The following ARHGAP20 variants were observed in gnomAD, a reference collection of about 807,000 sequenced individuals.
The protein encoded by ARHGAP20 is rho GTPase-activating protein 20.
Under a neutral mutation model 73.7 loss-of-function variants are expected in ARHGAP20, and 34 were observed. The ratio of observed to expected loss-of-function variants is 0.46; its 90% CI spans 0.35 to 0.61. The LOEUF is 0.61. Ranked by LOEUF, ARHGAP20 falls within the 20% of genes least tolerant of loss-of-function variation. The probability of loss-of-function intolerance (pLI) is 0.00; values close to 1 mark genes in which losing one functional copy is unlikely to be tolerated. For missense variants in ARHGAP20, 1,314 were observed against 1,420.9 expected (o/e 0.92, Z 1.21); for synonymous variants, 523 against 518.2 (o/e 1.01, Z -0.13).
intron 2 of ARHGAP20, among the ~76,000 whole-genome samples, chr11:110,684,194 T>TG (rs547158908): frequency 5.0e-4 from 76 of 152,282 alleles, no homozygotes; most frequent in African/African-American, 1.7e-3. Context: ...AAGTGACATT[T>TG]GAGAGAAGGC....
At position 110,582,186 on chromosome 11, in the gene ARHGAP20, T is replaced by TG. The variant is rs1345023545; in HGVS notation, c.1720+134dup. On this transcript the variant is annotated intron_variant, in intron 14 of 14. Transcript: ENST00000683387. ...CATCTAAGGAAGGATCAAAAAGCCC[T>TG]GGGCCCCATTGACCTGGATCAGAGG... The TG allele has an allele frequency of 1.5e-5, 11 of 729,854 alleles. No individual in the cohort carries two copies. The East Asian group carries it at 2.8e-4, about 18-fold the overall frequency. 45.2% of individuals were successfully genotyped at this position (729,854 alleles called of 1,614,324 possible).
chr11:110,593,688 G>C (rs543802089), intron 9 of ARHGAP20, among the ~76,000 whole-genome samples: 51 of 152,282 alleles, frequency 3.3e-4, no homozygotes, highest in African/African-American at 1.2e-3. Flanking sequence ...AAAGTGAGGG[G>C]GGATCCCAGA....
In ARHGAP20 at chr11:110,671,384, A is replaced by G. The variant is rs146104412; in HGVS notation, c.188+19163T>C. ...AAAGAACACCTACCAAAAAATCCTA[A>G]AGCAAACATCATACTTAATGGTGAA... On this transcript the variant is annotated intron_variant, in intron 2 of 14. Coordinates refer to ENST00000683387, the MANE Select transcript of ARHGAP20 (RefSeq NM_001384657.1). Among the ~76,000 whole-genome samples, 642 of 152,210 alleles carry G rather than the reference A, an allele frequency of 4.2e-3. 5 individuals carry two copies. The highest frequency in any genetic ancestry group is 2.4e-3 in the Non-Finnish European group (164 of 67,938).
chr11:110,592,045 G>A lies in ARHGAP20; in HGVS notation c.1075C>T (p.Pro359Ser). Reference protein sequence around the residue: ...NLPSSPTSPMPGQLFGISLPN... With the variant: ...NLPSSPTSPMSGQLFGISLPN... ...AGAGAAATTCCAAAGAGCTGTCCTG[G>A]CATAGGTGATGTTGGCGATGAGGGC... The change falls in exon 10 of 15, where the codon CCA becomes TCA. Residue 359 changes from proline to serine, a missense_variant. Physicochemically the swap from Pro to Ser is moderately conservative, Grantham distance 74 (BLOSUM62 -1). Around this residue, in one of 3 missense-constraint regions of ARHGAP20, gnomAD observed 443 missense variants for 466.4 expected, o/e 0.95. Transcript: ENST00000683387. The A allele has an allele frequency of 6.2e-7, 1 of 1,614,120 alleles. No homozygotes were observed. The highest frequency in any genetic ancestry group is 8.5e-7 in the Non-Finnish European group (1 of 1,180,002).
At position 110,663,262 on chromosome 11, in the gene ARHGAP20, A is replaced by G. The variant is rs998516630; in HGVS notation, c.188+27285T>C. The stretch of plus-strand genomic sequence containing the variant: ...ATGAACTATAAGCTGGTTCTTTAAG[A>G]GTACTCATAAAATTGTAAAAACTTT... On this transcript the variant is annotated intron_variant, in intron 2 of 14. Transcript: ENST00000683387. Among the ~76,000 whole-genome samples, 33 of 151,234 alleles carry G rather than the reference A, an allele frequency of 2.2e-4. 1 individual carries two copies. Among genetic ancestry groups the G allele is most frequent in the African/African-American group, 8.0e-4 (33 of 41,426 alleles).
At chr11:110,627,492 T>G (rs2134946019) in intron 3 of ARHGAP20, among the ~76,000 whole-genome samples, 1 of 152,288 alleles carries the variant, frequency 6.6e-6, no homozygotes, top group South Asian at 2.1e-4. Context: ...TGGAAAAAAT[T>G]CCAGTGAATT....
intron 1 of ARHGAP20, among the ~76,000 whole-genome samples, chr11:110,708,807 T>A (rs964781120): frequency 6.6e-6 from 1 of 152,172 alleles, no homozygotes; most frequent in Non-Finnish European, 1.5e-5. Context: ...ACTGTGGAGA[T>A]GTTTTCACAA....
chr11:110,699,208 G>A (rs1041740084), intron 1 of ARHGAP20, among the ~76,000 whole-genome samples: 1 of 151,818 alleles, frequency 6.6e-6, no homozygotes, highest in Non-Finnish European at 1.5e-5. Flanking sequence ...CATGTAGTGT[G>A]TGTTTATGAG....
intron 2 of ARHGAP20, among the ~76,000 whole-genome samples, chr11:110,678,796 G>T (rs1407244146): frequency 1.3e-5 from 2 of 152,014 alleles, no homozygotes; most frequent in Non-Finnish European, 2.9e-5. Flanking sequence ...GAGTAGCTGG[G>T]ACTACAAGGT....
At chr11:110,690,813 CAGTA>C (rs774623714) in intron 1 of ARHGAP20, among the ~76,000 whole-genome samples, 184 bp from the exon 2 acceptor site, 2 of 151,184 alleles carry the variant, frequency 1.3e-5, no homozygotes, top group African/African-American at 4.9e-5. Flanking sequence ...AAAAACAGGA[CAGTA>C]AGTGTCAAAA....
At chr11:110,589,697 C>T in intron 11 of ARHGAP20, 3 of 985,338 alleles carry the variant, frequency 3.0e-6, no homozygotes, top group Non-Finnish European at 3.6e-6. Context: ...TTTTAGAACT[C>T]TCTATCTCTG....
Position 110,578,507 on chromosome 11 carries a change from G to GTCTT in ARHGAP20, c.*859_*862dup, listed in dbSNP as rs200712659. ...TAATTGAGAAAGGACAGTTGTTGTG[G>GTCTT]TCTTTTCCTCCATATTGAGAGTGAA... On this transcript the variant is annotated 3_prime_UTR_variant, in exon 15 of 15. Coordinates refer to ENST00000683387, the MANE Select transcript of ARHGAP20 (RefSeq NM_001384657.1). 9,385 of 985,426 alleles carry GTCTT rather than the reference G, an allele frequency of 9.5e-3. 47 individuals carry two copies. The highest frequency in any genetic ancestry group is 0.021 in the Middle Eastern group (41 of 1,914). The allele number at this position is 985,426 out of a possible 1,614,324, so 61.0% of individuals were successfully genotyped here.
At chr11:110,614,163 G>GA (rs779346276) in intron 6 of ARHGAP20, among the ~76,000 whole-genome samples, 4 of 151,272 alleles carry the variant, frequency 2.6e-5, no homozygotes, top group Non-Finnish European at 5.9e-5. Flanking sequence ...GACAAGTTGG[G>GA]AAAAAAATTG....
At chr11:110,595,765 A>C (rs1266712404) in intron 9 of ARHGAP20, among the ~76,000 whole-genome samples, 2 of 152,182 alleles carry the variant, frequency 1.3e-5, no homozygotes, top group Non-Finnish European at 2.9e-5. Context: ...GCTACCAATG[A>C]CTTTCTTCAC....
chr11:110,645,505 C>T (rs114905242), intron 2 of ARHGAP20, among the ~76,000 whole-genome samples: 1 of 152,132 alleles, frequency 6.6e-6, no homozygotes, highest in Non-Finnish European at 1.5e-5. Context: ...AAAGGGAACA[C>T]TTATACACTG....
chr11:110,644,294 G>A (rs1304011140), intron 2 of ARHGAP20, among the ~76,000 whole-genome samples: 1 of 152,088 alleles, frequency 6.6e-6, no homozygotes, highest in Non-Finnish European at 1.5e-5. Flanking sequence ...CACAAAATTA[G>A]AAAGAAACTA....
rs185809954 is a variant in ARHGAP20 at position 110,604,814 on chromosome 11, C to G, written c.964+1747G>C. Among the ~76,000 whole-genome samples, 17 of 152,222 alleles carry G rather than the reference C, an allele frequency of 1.1e-4. No individual in the cohort carries two copies. In the East Asian group the frequency reaches 3.3e-3, roughly 29 times the overall value. On this transcript the variant is annotated intron_variant, in intron 9 of 14. Transcript: ENST00000683387. ...CCCTGATGACTGATCTACTGATTTA[C>G]CAATGACTTTGGTAAAGTATAAAGT...
At chr11:110,645,018 T>C (rs1480267239) in intron 2 of ARHGAP20, among the ~76,000 whole-genome samples, 6 of 152,082 alleles carry the variant, frequency 3.9e-5, no homozygotes, top group Non-Finnish European at 7.4e-5. Flanking sequence ...TCTCTCTCTT[T>C]TATTTTTTTG....
intron 1 of ARHGAP20, among the ~76,000 whole-genome samples, chr11:110,699,799 C>G (rs1313606595): frequency 1.3e-5 from 2 of 151,880 alleles, no homozygotes; most frequent in African/African-American, 4.8e-5. Context: ...CCATTCCTCC[C>G]CTATTCCTCC....
Sources: gnomAD v4.1 joint callset for allele counts (sites outside exome capture counted in the v4.1 genomes callset) on GRCh38, gnomAD v4.1.1 for gene constraint, gnomAD v4.1.1 regional missense constraint, MANE v1.5 for transcripts, NCBI Gene and HGNC (gene_info 2026-07-23, HGNC 2026-07-21) for gene names.